The following FANCI variants were observed in gnomAD, a reference collection of about 807,000 sequenced individuals.
FANCI encodes the protein Fanconi anemia group I protein.
In FANCI, 156 loss-of-function variants were observed where a neutral mutation model predicts 176.1. The ratio of observed to expected loss-of-function variants is 0.89; its 90% CI spans 0.78 to 1.01. The LOEUF (loss-of-function observed/expected upper bound fraction) is 1.01. Ranked by LOEUF, FANCI falls within the 50% of genes least tolerant of loss-of-function variation. FANCI has a pLI of 0.00. For synonymous variants in FANCI, 613 were observed against 541.7 expected (o/e 1.13, Z -1.83); for missense variants, 1,678 against 1,534.1 (o/e 1.09, Z -1.57).
rs548880292 is a variant in FANCI at position 89,272,868 on chromosome 15, T to C, written c.883-509T>C. On this transcript the variant is annotated intron_variant, in intron 10 of 37. Transcript: ENST00000310775. ...TACTTTACAAGACAGGGTTTCACCA[T>C]GTTGGCCAGACTGATCTTGAACTCC... 3.3e-5 allele frequency among the ~76,000 whole-genome samples: 5 copies of C among 152,230 alleles called. No homozygotes were observed. The East Asian group carries it at 7.8e-4, about 24-fold the overall frequency.
chr15:89,317,245 G>A (rs917582933), downstream of FANCI: 1 of 791,332 alleles, frequency 1.3e-6, no homozygotes, highest in African/African-American at 1.7e-5. Context: ...CTTATAAACT[G>A]AAATTAGCCT....
intron 9 of FANCI, among the ~76,000 whole-genome samples, chr15:89,266,476 G>A (rs961662414): frequency 6.0e-5 from 9 of 149,174 alleles, no homozygotes; most frequent in African/African-American, 1.5e-4. Context: ...TTACAGGTGC[G>A]TGCCACCACG....
chr15:89,306,132 G>T lies in FANCI; in HGVS notation c.3475G>T (p.Val1159Leu), dbSNP rs2054708416. 1 of 1,614,178 alleles carries T rather than the reference G, an allele frequency of 6.2e-7. No homozygotes were observed. Among genetic ancestry groups the T allele is most frequent in the South Asian group, 1.1e-5 (1 of 91,088 alleles). ...GACAGCTCTGCCATCAGGCAGCTGTGTGGACACCTTGTTAAAGGACTTGTG... is the reference window on the plus strand; with the variant it reads ...GACAGCTCTGCCATCAGGCAGCTGTTTGGACACCTTGTTAAAGGACTTGTG... ...VQTALPSGSC[V>L]DTLLKDLCKM... The change falls in exon 32 of 38, where the codon GTG becomes TTG. Residue 1159 changes from valine to leucine, a missense_variant. Around this residue, in one of 3 missense-constraint regions of FANCI, gnomAD observed 1,204 missense variants for 1,077.4 expected, o/e 1.12. Coordinates refer to ENST00000310775, the MANE Select transcript of FANCI (RefSeq NM_001113378.2).
chr15:89,300,047 C>T (rs2054470193), intron 25 of FANCI, 81 bp downstream of exon 25: 1 of 1,495,678 alleles, frequency 6.7e-7, no homozygotes, highest in Non-Finnish European at 9.3e-7. Context: ...GTTAACCTAC[C>T]AGAAGACACT....
chr15:89,253,290 G>A (rs891773498), intron 2 of FANCI, among the ~76,000 whole-genome samples: 1 of 152,148 alleles, frequency 6.6e-6, no homozygotes, highest in Non-Finnish European at 1.5e-5. Context: ...GAAATTAGAT[G>A]TGTTTCTCAT....
At chr15:89,290,060 T>A (rs982384839) in intron 18 of FANCI, among the ~76,000 whole-genome samples, 153 bp from the exon 19 acceptor site, 5 of 152,154 alleles carry the variant, frequency 3.3e-5, no homozygotes, top group African/African-American at 9.7e-5. Flanking sequence ...AAAAATATGG[T>A]CATTTATATT....
intron 2 of FANCI, among the ~76,000 whole-genome samples, chr15:89,251,207 A>G (rs1312965581): frequency 5.3e-5 from 8 of 152,240 alleles, no homozygotes; most frequent in East Asian, 3.8e-4. Flanking sequence ...TTGAAAACCT[A>G]GAGGAAATGG....
intron 18 of FANCI, among the ~76,000 whole-genome samples, chr15:89,289,793 C>T (rs1161613762): frequency 6.6e-6 from 1 of 151,738 alleles, no homozygotes; most frequent in Non-Finnish European, 1.5e-5. Flanking sequence ...CAGCTCACTG[C>T]AACCTTCATA....
At chr15:89,289,741 GT>G (rs1236529523) in intron 18 of FANCI, among the ~76,000 whole-genome samples, 1 of 150,040 alleles carries the variant, frequency 6.7e-6, no homozygotes, top group African/African-American at 2.5e-5. Context: ...TTAAGACAGA[GT>G]TTTGCTCTAT....
intron 36 of FANCI, 129 bp downstream of exon 36, chr15:89,314,836 TCCCC>T (rs1180873508): frequency 2.9e-5 from 7 of 244,622 alleles, no homozygotes; most frequent in East Asian, 7.0e-5. Flanking sequence ...ATCCCCCCTC[TCCCC>T]CCCCCCCCCT....
intron 1 of FANCI, 27 bp from the exon 2 acceptor site, chr15:89,247,602 C>G: frequency 1.3e-6 from 2 of 1,498,632 alleles, no homozygotes; most frequent in Non-Finnish European, 1.9e-6. Flanking sequence ...GGAATCTTCA[C>G]CCACCTCTGA....
At chr15:89,290,696 A>G (rs1304328783) in intron 19 of FANCI, 2 of 177,874 alleles carry the variant, frequency 1.1e-5, no homozygotes, top group Admixed American at 5.5e-5. Context: ...TTCAGTTAAC[A>G]AATTTTTAAA....
chr15:89,292,245 G>A (rs1424867047), intron 20 of FANCI, among the ~76,000 whole-genome samples: 1 of 152,236 alleles, frequency 6.6e-6, no homozygotes, highest in African/African-American at 2.4e-5. Context: ...AAGTCTTTCA[G>A]TTGTCATATC....
intron 9 of FANCI, among the ~76,000 whole-genome samples, chr15:89,268,111 T>C (rs185798092): frequency 1.3e-5 from 2 of 152,280 alleles, no homozygotes; most frequent in African/African-American, 4.8e-5. Context: ...TTTTTGTTGT[T>C]GTTGAGACAG....
Position 89,262,081 on chromosome 15 carries a change from A to T in FANCI, c.503+203A>T, listed in dbSNP as rs28667701. On this transcript the variant is annotated intron_variant, in intron 6 of 37. Transcript: ENST00000310775. The stretch of plus-strand genomic sequence containing the variant: ...TTCTGTCCTCTAAGACTGTTCATAT[A>T]GTTTTATTTGCTTGACTGTATCTTC... Among the ~76,000 whole-genome samples the T allele has an allele frequency of 4.3e-3, 649 of 152,290 alleles. 5 individuals carry two copies. Among genetic ancestry groups the T allele is most frequent in the African/African-American group, 0.015 (620 of 41,564 alleles).
chr15:89,273,905 T>C (rs1017042461), intron 11 of FANCI, among the ~76,000 whole-genome samples: 5 of 152,162 alleles, frequency 3.3e-5, no homozygotes, highest in African/African-American at 1.2e-4. Flanking sequence ...TAGCCTTTTT[T>C]CCCCCTTTTT....
At position 89,273,411 on chromosome 15, in the gene FANCI, G is replaced by T. The variant is rs1258802874; in HGVS notation, c.917G>T (p.Ser306Ile). The change falls in exon 11 of 38, where the codon AGT (serine) becomes ATT (isoleucine). Residue 306 changes from serine to isoleucine, a missense_variant. Ser to Ile is a moderately radical substitution (Grantham distance 142). Coordinates refer to ENST00000310775, the MANE Select transcript of FANCI (RefSeq NM_001113378.2). ...GQQGDSNNNL[S>I]PFSIALLLSV... ...CAAGGAGATTCCAATAATAACTTAAGTCCCTTCAGCATTGCTCTTCTTCTG... is the reference window on the plus strand; with the variant it reads ...CAAGGAGATTCCAATAATAACTTAATTCCCTTCAGCATTGCTCTTCTTCTG... 6.2e-7 allele frequency: 1 copy of T among 1,602,224 alleles called. No individual in the cohort carries two copies. Among genetic ancestry groups the T allele is most frequent in the East Asian group, 2.3e-5 (1 of 44,404 alleles).
At chr15:89,305,897 C>T (rs915806630) in intron 31 of FANCI, 110 bp from the exon 32 acceptor site, 7 of 1,210,024 alleles carry the variant, frequency 5.8e-6, no homozygotes, top group African/African-American at 1.5e-5. Flanking sequence ...ATTGAATGTT[C>T]GTTTTTCCAT....
intron 7 of FANCI, 149 bp from the exon 8 acceptor site, chr15:89,263,754 A>G: frequency 2.1e-6 from 2 of 964,474 alleles, no homozygotes; most frequent in Non-Finnish European, 3.1e-6. Flanking sequence ...CAGTTATAAT[A>G]ATCTATTATC....
Sources: gnomAD v4.1 joint callset for allele counts (sites outside exome capture counted in the v4.1 genomes callset) on GRCh38, gnomAD v4.1.1 for gene constraint, gnomAD v4.1.1 regional missense constraint, MANE v1.5 for transcripts, NCBI Gene and HGNC (gene_info 2026-07-23, HGNC 2026-07-21) for gene names.